Variants in INSL6 observed in about 807,000 individuals in gnomAD.
INSL6 encodes insulin like 6.
Under a neutral mutation model 9.4 loss-of-function variants are expected in INSL6, and 16 were observed. The ratio of observed to expected loss-of-function variants is 1.70; its 90% CI spans 1.15 to 2.59. INSL6 has a LOEUF of 2.59. Ranked by LOEUF, INSL6 falls within the 30% of genes most tolerant of loss-of-function variation. The pLI, the probability that INSL6 is intolerant of heterozygous loss-of-function variation, is 0.00. For missense variants in INSL6, 391 were observed against 257.3 expected (o/e 1.52, Z -3.56); for synonymous variants, 154 against 96.9 (o/e 1.59, Z -3.46).
At chr9:5,075,139 G>C in the INSL6 span, among the ~76,000 whole-genome samples, 1 of 152,102 alleles carries the variant, frequency 6.6e-6, no homozygotes, top group Admixed American at 6.6e-5. Flanking sequence ...AAAGTTGGAA[G>C]CTAGCAGAGG....
the INSL6 span, among the ~76,000 whole-genome samples, chr9:5,079,332 T>C: frequency 2.0e-5 from 3 of 152,238 alleles, no homozygotes; most frequent in Non-Finnish European, 4.4e-5. Context: ...TTATATTGCT[T>C]CTTCCTTTCT....
chr9:4,992,262 T>A, the INSL6 span, among the ~76,000 whole-genome samples: 3 of 152,172 alleles, frequency 2.0e-5, no homozygotes, highest in African/African-American at 7.2e-5. Context: ...TATGGTGGCT[T>A]CAGGGTGGTC....
chr9:5,063,550 T>C, the INSL6 span, among the ~76,000 whole-genome samples: 2 of 152,182 alleles, frequency 1.3e-5, no homozygotes, highest in Non-Finnish European at 2.9e-5. Flanking sequence ...TTTTTCTAGG[T>C]ACAGCCTCTG....
the INSL6 span, among the ~76,000 whole-genome samples, chr9:5,044,248 A>G: frequency 6.6e-6 from 1 of 152,230 alleles, no homozygotes; most frequent in Non-Finnish European, 1.5e-5. Context: ...TGTTATCCAC[A>G]TATCCTTTTG....
Position 5,163,875 on chromosome 9 carries a change from A to G in INSL6, c.*38T>C. 1 of 1,286,312 alleles carries G rather than the reference A, an allele frequency of 7.8e-7. No homozygotes were observed. Among genetic ancestry groups the G allele is most frequent in the Non-Finnish European group, 1.1e-6 (1 of 905,968 alleles). The allele number at this position is 1,286,312 out of a possible 1,614,324, so 79.7% of individuals were successfully genotyped here. On this transcript the variant is annotated 3_prime_UTR_variant, in exon 2 of 2. Transcript: ENST00000381641. ...AAAAAAAATAGAGTTAAATAAATGT[A>G]TTAAGCTTTTATTAGGTTAGAAAAA... is the stretch of plus-strand genomic sequence containing the variant.
intron 2 of INSL6, among the ~76,000 whole-genome samples, chr9:5,151,888 C>G (rs1218603157): frequency 6.6e-6 from 1 of 151,626 alleles, no homozygotes; most frequent in Non-Finnish European, 1.5e-5. Flanking sequence ...ACGTTGTTTA[C>G]AAGAAACTAA....
chr9:5,036,822 A>T, the INSL6 span, among the ~76,000 whole-genome samples: 2 of 152,218 alleles, frequency 1.3e-5, no homozygotes, highest in Non-Finnish European at 2.9e-5. Context: ...CATGTCTAAA[A>T]CACCAAAAGC....
intron 2 of INSL6, among the ~76,000 whole-genome samples, chr9:5,152,010 T>C (rs575850248): frequency 8.5e-5 from 13 of 152,162 alleles, no homozygotes; most frequent in African/African-American, 2.4e-4. Context: ...AAAGGAAATA[T>C]AATGACACAA....
intron 1 of INSL6, among the ~76,000 whole-genome samples, chr9:5,182,951 T>C (rs945130984): frequency 6.6e-6 from 1 of 152,204 alleles, no homozygotes; most frequent in African/African-American, 2.4e-5. Flanking sequence ...CATTTTTTAA[T>C]AGCAGCGTAG....
chr9:5,024,445 C>T, the INSL6 span, among the ~76,000 whole-genome samples: 1 of 151,996 alleles, frequency 6.6e-6, no homozygotes, highest in African/African-American at 2.4e-5. Flanking sequence ...AGTGTTTACC[C>T]AGTCCATTTA....
At chr9:5,086,539 T>C in the INSL6 span, among the ~76,000 whole-genome samples, 1 of 152,192 alleles carries the variant, frequency 6.6e-6, no homozygotes, top group African/African-American at 2.4e-5. Context: ...TTAGTACTCA[T>C]TGTTTTCTCA....
the INSL6 span, among the ~76,000 whole-genome samples, chr9:5,023,057 A>G: frequency 6.6e-6 from 1 of 152,192 alleles, no homozygotes; most frequent in South Asian, 2.1e-4. Context: ...AATACAATAC[A>G]TTGTTGTTAA....
chr9:5,163,536 G>C (rs891853422), downstream of INSL6, among the ~76,000 whole-genome samples: 1 of 152,146 alleles, frequency 6.6e-6, no homozygotes. Context: ...TCGACATCTT[G>C]GAGTAAGTAT....
chr9:5,027,425 C>T, the INSL6 span, among the ~76,000 whole-genome samples: 3 of 152,132 alleles, frequency 2.0e-5, no homozygotes, highest in Admixed American at 6.5e-5. Context: ...ATCATCTGAG[C>T]CTTCAGTGAG....
chr9:5,136,961 T>C (rs1824398168), intron 2 of INSL6, among the ~76,000 whole-genome samples: 1 of 152,194 alleles, frequency 6.6e-6, no homozygotes, highest in Non-Finnish European at 1.5e-5. Context: ...ATCACAAGCA[T>C]TCTTATACAC....
chr9:5,029,862 C>T, the INSL6 span: 1 of 1,612,390 alleles, frequency 6.2e-7, no homozygotes, highest in South Asian at 1.1e-5. Flanking sequence ...ACCATGTCTT[C>T]CATATAGATG....
chr9:5,107,942 C>G, the INSL6 span: 1 of 152,062 alleles, frequency 6.6e-6, no homozygotes, highest in African/African-American at 2.4e-5. Flanking sequence ...AAAATTATTC[C>G]GACAATTATG....
chr9:5,095,448 C>G, the INSL6 span, among the ~76,000 whole-genome samples: 1 of 151,974 alleles, frequency 6.6e-6, no homozygotes, highest in African/African-American at 2.4e-5. Context: ...TGATGGGTAT[C>G]CTTTTCAACA....
At chr9:5,009,930 G>A in the INSL6 span, among the ~76,000 whole-genome samples, 6 of 152,028 alleles carry the variant, frequency 3.9e-5, no homozygotes, top group Admixed American at 3.9e-4. Context: ...ACTACATGCT[G>A]GCTAATTTTT....
Sources: allele counts gnomAD v4.1 joint callset (sites outside exome capture counted in the v4.1 genomes callset), GRCh38; gene constraint gnomAD v4.1.1; transcripts MANE v1.5; gene names NCBI Gene and HGNC (gene_info 2026-07-23, HGNC 2026-07-21).